The following MED14 variants were observed in gnomAD, a reference collection of about 807,000 sequenced individuals.
The protein encoded by MED14 is mediator of RNA polymerase II transcription subunit 14.
In MED14, 8 loss-of-function variants were observed where a neutral mutation model predicts 109.0. The ratio of observed to expected loss-of-function variants is 0.07; its 90% confidence interval spans 0.04 to 0.13. The LOEUF (loss-of-function observed/expected upper bound fraction) is 0.13, where lower values mean the gene tolerates loss of function less well. Ranked by LOEUF, MED14 falls within the 10% of genes least tolerant of loss-of-function variation. The pLI is 1.00. For synonymous variants in MED14, 399 were observed against 408.7 expected (o/e 0.98, Z 0.29); for missense variants, 711 against 1,142.4 (o/e 0.62, Z 5.44).
chrX:40,718,031 G>A (rs925663408), intron 3 of MED14, among the ~76,000 whole-genome samples: 1 of 111,945 alleles, frequency 8.9e-6, no homozygotes. Context: ...TATGATCTTA[G>A]AGATGAGAAA....
intron 22 of MED14, among the ~76,000 whole-genome samples, chrX:40,674,671 T>A (rs1231285336): frequency 8.9e-6 from 1 of 112,225 alleles, no homozygotes; most frequent in African/African-American, 3.2e-5. Flanking sequence ...AAACAATCAC[T>A]GTTCACCTTC....
In MED14 at chrX:40,659,338, C is replaced by T; in HGVS notation, c.3865-4G>A. 1 of 1,175,758 alleles carries T rather than the reference C, an allele frequency of 8.5e-7. No individual in the cohort carries two copies. The highest frequency in any genetic ancestry group is 1.1e-6 in the Non-Finnish European group (1 of 872,682). ...CTTTAAATGGTGGTCCTGCAACCTA[C>T]AGGGATAAATAAAGCAAGTTACTCT... On this transcript the variant is annotated splice_polypyrimidine_tract_variant and splice_region_variant and intron_variant, in intron 27 of 30. Transcript: ENST00000324817.
chrX:40,676,267 G>C (rs1459166771), intron 21 of MED14, among the ~76,000 whole-genome samples: 1 of 112,044 alleles, frequency 8.9e-6, no homozygotes, highest in East Asian at 2.8e-4. Flanking sequence ...CTGGGCGACA[G>C]AGTGAGACCC....
chrX:40,709,356 T>A lies in MED14; in HGVS notation c.1277A>T (p.Asn426Ile). Residue 426 changes from asparagine to isoleucine, a missense_variant, in exon 10 of 31, where the codon AAT (asparagine) becomes ATT (isoleucine). Asn to Ile is a moderately radical substitution (Grantham distance 149, BLOSUM62 -3). Coordinates refer to ENST00000324817, the MANE Select transcript of MED14 (RefSeq NM_004229.4). ...AATTTAAAAGAACCTACAGTTTTCA[T>A]TGGCATTGAAGCCTCTAAGAATGGC... is the stretch of plus-strand genomic sequence containing the variant. Reference protein sequence around the residue: ...LKAILRGFNANENSSIETALP... With the variant: ...LKAILRGFNAIENSSIETALP... 9.6e-7 allele frequency: 1 copy of A among 1,042,878 alleles called. No individual in the cohort carries two copies. Among genetic ancestry groups the A allele is most frequent in the Non-Finnish European group, 1.3e-6 (1 of 779,369 alleles). The allele number at this position is 1,042,878 out of a possible 1,213,427, so 85.9% of individuals were successfully genotyped here.
intron 7 of MED14, 110 bp from the exon 8 acceptor site, chrX:40,711,411 T>C (rs1474014280): frequency 1.4e-5 from 8 of 559,024 alleles, no homozygotes; most frequent in Admixed American, 4.5e-5. Flanking sequence ...GAAAAATTTC[T>C]GAAGAAAATT....
chrX:40,735,889 C>G (rs921132062), upstream of MED14: 82 of 266,575 alleles, frequency 3.1e-4, no homozygotes, highest in Middle Eastern at 6.6e-3. Context: ...GAAAAGGGAG[C>G]CGCGCGCCGC....
intron 3 of MED14, among the ~76,000 whole-genome samples, chrX:40,722,869 G>A (rs1017728106): frequency 8.9e-6 from 1 of 111,879 alleles, no homozygotes; most frequent in African/African-American, 3.2e-5. Context: ...TAGTATATCC[G>A]GTGGAAACAT....
intron 3 of MED14, among the ~76,000 whole-genome samples, chrX:40,717,573 A>G (rs1931576233): frequency 9.0e-6 from 1 of 111,147 alleles, no homozygotes; most frequent in African/African-American, 3.3e-5. Context: ...CCCAGGCTGG[A>G]GTGCAGTGGC....
intron 3 of MED14, among the ~76,000 whole-genome samples, chrX:40,721,767 A>G (rs1355491209): frequency 8.9e-6 from 1 of 112,627 alleles, no homozygotes; most frequent in Non-Finnish European, 1.9e-5. Context: ...ATGGGTGCTT[A>G]CATCACCATA....
In MED14 at chrX:40,650,415, A is replaced by G; in HGVS notation, c.*1391T>C. ...TTGATAGTTATAGAAGCTCAATTAA[A>G]TCATCTTGAAGTGGAATTAGACAAA... is the stretch of plus-strand genomic sequence containing the variant. On this transcript the variant is annotated 3_prime_UTR_variant, in exon 31 of 31. Transcript: ENST00000324817. The G allele has an allele frequency of 2.7e-6, 2 of 753,853 alleles. No homozygotes were observed. Among genetic ancestry groups the G allele is most frequent in the African/African-American group, 4.6e-5 (2 of 43,868 alleles). 62.1% of individuals were successfully genotyped at this position (753,853 alleles called of 1,213,427 possible).
At position 40,649,650 on chromosome X, in the gene MED14, G is replaced by A. The variant is rs1375246787; in HGVS notation, c.*2156C>T. 3.2e-6 allele frequency: 3 copies of A among 932,676 alleles called. No homozygotes were observed. The highest frequency in any genetic ancestry group is 4.1e-6 in the Non-Finnish European group (3 of 736,550). 76.9% of individuals were successfully genotyped at this position (932,676 alleles called of 1,213,427 possible). ...CCGATTATTAGAGAAAATCACTTGG[G>A]CATCCAGTCCCCTTGATCGAACCTG... is the stretch of plus-strand genomic sequence containing the variant. On this transcript the variant is annotated 3_prime_UTR_variant, in exon 31 of 31. Transcript: ENST00000324817.
Position 40,651,033 on chromosome X carries a change from T to C in MED14, c.*773A>G. ...GTCCCTTCTCAAAGACTAAGTTCCT[T>C]ATTTTTCACCCAAATCCTATATATT... On this transcript the variant is annotated 3_prime_UTR_variant, in exon 31 of 31. Transcript: ENST00000324817. The C allele has an allele frequency of 1.3e-6, 1 of 754,006 alleles. No homozygotes were observed. Among genetic ancestry groups the C allele is most frequent in the Non-Finnish European group, 1.6e-6 (1 of 638,901 alleles). The allele number at this position is 754,006 out of a possible 1,213,427, so 62.1% of individuals were successfully genotyped here. A position where few individuals can be genotyped will look rare whatever the true frequency, so the allele number is the denominator to read the frequency against.
intron 9 of MED14, 108 bp downstream of exon 9, chrX:40,709,871 G>A: frequency 4.3e-6 from 2 of 466,221 alleles, no homozygotes; most frequent in South Asian, 9.8e-5. Flanking sequence ...TTTCATAAAA[G>A]GTTTTAGGAA....
Position 40,688,557 on chromosome X carries a change from G to A in MED14, c.1981-27C>T, listed in dbSNP as rs373374685. 118 of 1,081,394 alleles carry A rather than the reference G, an allele frequency of 1.1e-4. 1 individual carries two copies. The South Asian group carries it at 1.7e-3, about 16-fold the overall frequency. 89.1% of individuals were successfully genotyped at this position (1,081,394 alleles called of 1,213,427 possible). A position where few individuals can be genotyped will look rare whatever the true frequency, so the allele number is the denominator to read the frequency against. ...TAGAAAGAGAAAAACAATTATATCA[G>A]ACGACCAATTTTACAAAAACAACTA... On this transcript the variant is annotated intron_variant, in intron 15 of 30. Transcript: ENST00000324817.
In MED14 at chrX:40,681,914, C is replaced by A. The variant is rs1188602366; in HGVS notation, c.2395G>T (p.Glu799Ter). 2 of 1,136,932 alleles carry A rather than the reference C, an allele frequency of 1.8e-6. No individual in the cohort carries two copies. Among genetic ancestry groups the A allele is most frequent in the Non-Finnish European group, 2.4e-6 (2 of 847,109 alleles). The allele number at this position is 1,136,932 out of a possible 1,213,427, so 93.7% of individuals were successfully genotyped here. A position where few individuals can be genotyped will look rare whatever the true frequency, so the allele number is the denominator to read the frequency against. ...DIPAHLNIFS[E>*]VRVYNYRKLI... is the part of the protein sequence containing the mutation. ...TTTCGGTAATTATAAACACGAACTT[C>A]TGAGAAAATATTTAGATGAGCAGGT... is the stretch of plus-strand genomic sequence containing the variant. Residue 799 changes from glutamate (E) to a stop codon, truncating the protein, a stop_gained, in exon 19 of 31, where the codon GAA becomes TAA. Coordinates refer to ENST00000324817, the MANE Select transcript of MED14 (RefSeq NM_004229.4). LOFTEE classifies it high-confidence loss of function.
In MED14 at chrX:40,703,495, T is replaced by C; in HGVS notation, c.1360A>G (p.Ile454Val). Residue 454 changes from isoleucine (I) to valine (V), a missense_variant, in exon 11 of 31, where the codon ATT (isoleucine) becomes GTT (valine). Physicochemically the swap from Ile to Val is conservative, Grantham distance 29. Coordinates refer to ENST00000324817, the MANE Select transcript of MED14 (RefSeq NM_004229.4). Reference sequence around the variant, plus strand: ...ATTCCAGAATGTAAATCTACAAAAATGTGCAGACACTCTGAATTACCACAG... The same window carrying C: ...ATTCCAGAATGTAAATCTACAAAAACGTGCAGACACTCTGAATTACCACAG... ...EPCGNSECLH[I>V]FVDLHSGMFQ... 5 of 1,195,117 alleles carry C rather than the reference T, an allele frequency of 4.2e-6. No individual in the cohort carries two copies. The highest frequency in any genetic ancestry group is 1.8e-5 in the South Asian group (1 of 56,053).
intron 2 of MED14, among the ~76,000 whole-genome samples, chrX:40,727,789 C>A (rs1363343041): frequency 9.0e-6 from 1 of 111,467 alleles, no homozygotes; most frequent in Non-Finnish European, 1.9e-5. Context: ...ACCTGCAGAT[C>A]CAGTCCACAT....
chrX:40,658,251 A>G (rs1602442271), intron 28 of MED14, among the ~76,000 whole-genome samples: 1 of 106,267 alleles, frequency 9.4e-6, no homozygotes, highest in Non-Finnish European at 1.9e-5. Flanking sequence ...CGCCATGCCT[A>G]GCTAATTTTT....
At chrX:40,720,066 C>T (rs748225142) in intron 3 of MED14, among the ~76,000 whole-genome samples, 2 of 111,989 alleles carry the variant, frequency 1.8e-5, no homozygotes, top group African/African-American at 6.5e-5. Flanking sequence ...TTATCCCTGA[C>T]ATAAACACAT....
Sources: allele counts gnomAD v4.1 joint callset (sites outside exome capture counted in the v4.1 genomes callset), GRCh38; gene constraint gnomAD v4.1.1; transcripts MANE v1.5; gene names NCBI Gene and HGNC (gene_info 2026-07-23, HGNC 2026-07-21).